The following MARCO variants were observed in gnomAD, a reference collection of about 807,000 sequenced individuals.
MARCO encodes the protein macrophage receptor with collagenous structure, also known as macrophage receptor MARCO.
Under a neutral mutation model 70.0 loss-of-function variants are expected in MARCO, and 72 were observed. That is an observed-to-expected ratio of 1.03 (90% CI 0.85 to 1.25). The LOEUF (loss-of-function observed/expected upper bound fraction) is 1.25, where lower values mean the gene tolerates loss of function less well. MARCO is among the 50% of genes most tolerant of loss of function. The pLI, the probability that MARCO is intolerant of heterozygous loss-of-function variation, is 0.00. For synonymous variants in MARCO, 273 were observed against 243.1 expected, an observed-to-expected ratio of 1.12 and a Z score of -1.14; for missense variants, 696 against 659.3, an observed-to-expected ratio of 1.06 and a Z score of -0.61.
rs1476974075 is a variant in MARCO, at chr2:118,969,281, G to C, written c.199+20G>C. The C allele has an allele frequency of 6.2e-7, 1 of 1,603,800 alleles. No individual in the cohort carries two copies. Among genetic ancestry groups the C allele is most frequent in the African/African-American group, 1.3e-5 (1 of 74,690 alleles). On this transcript the variant is annotated intron_variant, in intron 2 of 16. Transcript: ENST00000327097. ...TCCAAGGTAAAGCAGGCTTGGTCCT[G>C]TGTAGTCCCTCCTGGGGGGAGAGGG...
chr2:118,946,497 A>G (rs748814598), intron 1 of MARCO, among the ~76,000 whole-genome samples: 22 of 152,086 alleles, frequency 1.4e-4, no homozygotes, highest in Non-Finnish European at 2.2e-4. Context: ...AGTTGTATCC[A>G]TCCATAGTTG....
chr2:118,969,382 G>A, intron 2 of MARCO, 121 bp downstream of exon 2: 1 of 715,752 alleles, frequency 1.4e-6, no homozygotes, highest in South Asian at 1.6e-5. Flanking sequence ...CATCTGCTGG[G>A]AGACAGTCTC....
At chr2:118,993,063 G>C in intron 15 of MARCO, 61 bp from the exon 16 acceptor site, 1 of 1,431,120 alleles carries the variant, frequency 7.0e-7, no homozygotes, top group Non-Finnish European at 9.8e-7. Flanking sequence ...GAAAGAGCCC[G>C]CACTTACCCA....
chr2:118,960,136 TAAATAAA>T (rs1558832886), intron 1 of MARCO, among the ~76,000 whole-genome samples: 1 of 149,422 alleles, frequency 6.7e-6, no homozygotes, highest in Admixed American at 6.7e-5. Flanking sequence ...ATAATAATAA[TAAATAAA>T]AATAAAACTT....
chr2:118,965,542 A>G lies in MARCO; in HGVS notation c.98-3618A>G, dbSNP rs148557963. Reference sequence around the variant, plus strand: ...TAGTTTTAACATCTGTGTCATCTCAATGCTGGTATCTCTTGATTGTCTCCT... The same window carrying G: ...TAGTTTTAACATCTGTGTCATCTCAGTGCTGGTATCTCTTGATTGTCTCCT... On this transcript the variant is annotated intron_variant, in intron 1 of 16. Coordinates refer to ENST00000327097, the MANE Select transcript of MARCO (RefSeq NM_006770.4). 2.6e-3 allele frequency among the ~76,000 whole-genome samples: 403 copies of G among 152,272 alleles called. 3 individuals carry two copies. The highest frequency in any genetic ancestry group is 9.4e-3 in the African/African-American group (389 of 41,534).
chr2:118,974,714 T>G, intron 6 of MARCO, 149 bp downstream of exon 6: 2 of 810,588 alleles, frequency 2.5e-6, no homozygotes, highest in Non-Finnish European at 3.9e-6. Flanking sequence ...CCAGAGGGGA[T>G]GAGAGGCTGG....
chr2:118,978,088 T>G (rs766821840), intron 8 of MARCO, among the ~76,000 whole-genome samples, 153 bp downstream of exon 8: 1 of 152,108 alleles, frequency 6.6e-6, no homozygotes, highest in Non-Finnish European at 1.5e-5. Context: ...AGTCTCTTCT[T>G]TCCGGGTGAG....
rs761282486 is a variant in MARCO, at chr2:118,970,110, C to T, written c.200-4C>T. On this transcript the variant is annotated splice_region_variant and splice_polypyrimidine_tract_variant and intron_variant, in intron 2 of 16. Transcript: ENST00000327097. ...CTAAAAGAATGCTGTGGGGTGGGGC[C>T]CAGTTCTGAATCTGCAGGCGCGGCT... 4 of 1,613,174 alleles carry T rather than the reference C, an allele frequency of 2.5e-6. No homozygotes were observed.
At position 118,993,138 on chromosome 2, in the gene MARCO, T is replaced by TC; in HGVS notation, c.1269dup (p.Val424ArgfsTer7). 6.2e-7 allele frequency: 1 copy of TC among 1,614,242 alleles called. No homozygotes were observed. Among genetic ancestry groups the TC allele is most frequent in the Non-Finnish European group, 8.5e-7 (1 of 1,180,038 alleles). ...TCTTCACCCAGGTGAAAACTCAGTG[T>TC]CCGTCAGGATTGTCGGCAGTAGTAA... On this transcript the variant is annotated frameshift_variant, in exon 16 of 17. Transcript: ENST00000327097. LOFTEE classifies it high-confidence loss of function.
At chr2:118,986,858 C>T (rs1680528330) in intron 12 of MARCO, among the ~76,000 whole-genome samples, 1 of 152,130 alleles carries the variant, frequency 6.6e-6, no homozygotes, top group African/African-American at 2.4e-5. Context: ...CACTCAGAAT[C>T]AGGAGATCTG....
At chr2:118,974,983 C>A (rs543486910) in intron 6 of MARCO, among the ~76,000 whole-genome samples, 7 of 152,246 alleles carry the variant, frequency 4.6e-5, no homozygotes, top group South Asian at 4.2e-4. Context: ...CCAAAGAAAC[C>A]GAGCCTCAGT....
At chr2:118,977,748 T>C in intron 7 of MARCO, 80 bp from the exon 8 acceptor site, 1 of 1,084,582 alleles carries the variant, frequency 9.2e-7, no homozygotes, top group South Asian at 1.5e-5. Flanking sequence ...CTCTCCCAAA[T>C]GCTTCCTGCC....
Position 118,981,456 on chromosome 2 carries a change from C to A in MARCO, c.814C>A (p.Pro272Thr), listed in dbSNP as rs1192538190. ...GMKGDAGVMG[P>T]PGAQGSKGDF... ...GAAAGGAGATGCAGGGGTCATGGGG[C>A]CTCCTGGAGCCCAGGGGAGTAAAGG... The change falls in exon 9 of 17, where the codon CCT becomes ACT. Residue 272 changes from proline to threonine, a missense_variant. By Grantham distance (38) the Pro-to-Thr change is conservative. Around this residue, in one of 3 missense-constraint regions of MARCO, gnomAD observed 605 missense variants for 537.6 expected, o/e 1.13. Coordinates refer to ENST00000327097, the MANE Select transcript of MARCO (RefSeq NM_006770.4). 4 of 1,595,984 alleles carry A rather than the reference C, an allele frequency of 2.5e-6. No homozygotes were observed. In the South Asian group the frequency reaches 3.4e-5, roughly 14 times the overall value.
chr2:118,991,931 C>A, intron 14 of MARCO, 56 bp downstream of exon 14: 5 of 1,237,096 alleles, frequency 4.0e-6, no homozygotes, highest in Non-Finnish European at 5.7e-6. Context: ...ACAGCCAGTT[C>A]TGTACCTTAA....
At chr2:118,976,205 G>C (rs939418584) in intron 6 of MARCO, among the ~76,000 whole-genome samples, 34 of 152,196 alleles carry the variant, frequency 2.2e-4, no homozygotes, top group Admixed American at 2.2e-3. Context: ...GAGCAGGACT[G>C]TGCAACCACT....
intron 1 of MARCO, among the ~76,000 whole-genome samples, chr2:118,967,247 G>A (rs1018784578): frequency 6.6e-5 from 10 of 152,198 alleles, no homozygotes; most frequent in Admixed American, 5.2e-4. Context: ...CTGAACTTCC[G>A]AAGGATGAGC....
At chr2:118,963,534 C>T (rs1215778811) in intron 1 of MARCO, among the ~76,000 whole-genome samples, 1 of 151,900 alleles carries the variant, frequency 6.6e-6, no homozygotes, top group Admixed American at 6.6e-5. Context: ...GTGTATGTTC[C>T]ATGTGTCCTT....
At chr2:118,988,454 A>C (rs1173041901) in intron 12 of MARCO, among the ~76,000 whole-genome samples, 1 of 151,998 alleles carries the variant, frequency 6.6e-6, no homozygotes, top group Non-Finnish European at 1.5e-5. Context: ...ACCACAATCT[A>C]TATGTCTATG....
intron 15 of MARCO, 96 bp downstream of exon 15, chr2:118,992,572 T>C (rs767420432): frequency 3.6e-6 from 4 of 1,104,732 alleles, no homozygotes; most frequent in Non-Finnish European, 5.4e-6. Flanking sequence ...GGTTCTCAAA[T>C]AAATTTCTCA....
Sources: gnomAD v4.1 joint callset for allele counts (sites outside exome capture counted in the v4.1 genomes callset) on GRCh38, gnomAD v4.1.1 for gene constraint, gnomAD v4.1.1 regional missense constraint, MANE v1.5 for transcripts, NCBI Gene and HGNC (gene_info 2026-07-23, HGNC 2026-07-21) for gene names.